The following CCM2L variants were observed in gnomAD, a reference collection of about 807,000 sequenced individuals.
The protein encoded by CCM2L is CCM2 like scaffold protein, also known as cerebral cavernous malformations 2 protein-like.
A neutral mutation model predicts 54.1 loss-of-function variants in CCM2L; 36 were observed. The observed-to-expected ratio is 0.67, with a 90% CI of 0.51 to 0.88. The LOEUF (loss-of-function observed/expected upper bound fraction) is 0.88, where lower values mean the gene tolerates loss of function less well. Among genes scored for constraint, CCM2L ranks in the 40% least tolerant of loss-of-function variants. The probability of loss-of-function intolerance (pLI) is 0.00; values close to 1 mark genes in which losing one functional copy is unlikely to be tolerated. For missense variants in CCM2L, 700 were observed against 812.1 expected, an observed-to-expected ratio of 0.86 and a Z score of 1.68; for synonymous variants, 351 against 359.3, an observed-to-expected ratio of 0.98 and a Z score of 0.26.
intron 1 of CCM2L, among the ~76,000 whole-genome samples, chr20:32,012,429 C>T (rs1451889857): frequency 2.6e-5 from 4 of 152,108 alleles, no homozygotes; most frequent in African/African-American, 4.8e-5. Context: ...GGTGGTGGTG[C>T]ATGCCTGTGG....
intron 6 of CCM2L, among the ~76,000 whole-genome samples, chr20:32,025,131 CTTTT>C (rs1351769392): frequency 1.4e-5 from 2 of 144,016 alleles, no homozygotes; most frequent in South Asian, 2.2e-4. Context: ...TTCTTTCTTT[CTTTT>C]CTTTTCCTTC....
At chr20:32,026,832 C>T (rs1333309261) in intron 7 of CCM2L, among the ~76,000 whole-genome samples, 5 of 151,042 alleles carry the variant, frequency 3.3e-5, no homozygotes, top group East Asian at 2.0e-4. Flanking sequence ...GCTGAGATTG[C>T]GCCACTGCAC....
At chr20:32,011,748 C>T (rs2064697493) in intron 1 of CCM2L, among the ~76,000 whole-genome samples, 1 of 151,710 alleles carries the variant, frequency 6.6e-6, no homozygotes, top group African/African-American at 2.4e-5. Context: ...ACAGCATGTG[C>T]AAAACCCCAC....
intron 1 of CCM2L, among the ~76,000 whole-genome samples, chr20:32,012,913 TAC>T (rs1171461923): frequency 6.6e-6 from 1 of 152,230 alleles, no homozygotes; most frequent in Non-Finnish European, 1.5e-5. Flanking sequence ...TTTGCCTTGT[TAC>T]ACAGTTAAGT....
At chr20:32,011,463 G>T (rs1046697776) in intron 1 of CCM2L, among the ~76,000 whole-genome samples, 1 of 152,014 alleles carries the variant, frequency 6.6e-6, no homozygotes, top group Non-Finnish European at 1.5e-5. Context: ...AAATTAACTG[G>T]GCATGGTGGC....
intron 2 of CCM2L, 136 bp downstream of exon 2, chr20:32,015,207 C>T (rs759392145): frequency 2.9e-5 from 24 of 841,804 alleles, no homozygotes; most frequent in South Asian, 1.9e-4. Context: ...GGGTTCATGT[C>T]AGCCTTGCCC....
intron 1 of CCM2L, among the ~76,000 whole-genome samples, chr20:32,011,922 T>G (rs1173339971): frequency 6.6e-6 from 1 of 151,398 alleles, no homozygotes; most frequent in Non-Finnish European, 1.5e-5. Context: ...TACACACACA[T>G]ACGCAAGACA....
chr20:32,031,423 G>A lies in CCM2L; in HGVS notation c.*109G>A, dbSNP rs1356547155. The A allele has an allele frequency of 1.1e-6, 1 of 939,420 alleles. No homozygotes were observed. Among genetic ancestry groups the A allele is most frequent in the Non-Finnish European group, 1.4e-6 (1 of 714,204 alleles). The allele number at this position is 939,420 out of a possible 1,614,324, so 58.2% of individuals were successfully genotyped here. A position where few individuals can be genotyped will look rare whatever the true frequency, so the allele number is the denominator to read the frequency against. On this transcript the variant is annotated 3_prime_UTR_variant, in exon 10 of 10. Coordinates refer to ENST00000452892, the MANE Select transcript of CCM2L (RefSeq NM_001365692.1). ...CCATCACACCTGGCGGGGCCGGGGGGTCTTCACTCCAGGGTCTCGCTCCCT... is the reference window on the plus strand; with the variant it reads ...CCATCACACCTGGCGGGGCCGGGGGATCTTCACTCCAGGGTCTCGCTCCCT...
intron 4 of CCM2L, 98 bp from the exon 5 acceptor site, chr20:32,018,845 C>A: frequency 8.3e-7 from 1 of 1,204,156 alleles, no homozygotes; most frequent in Non-Finnish European, 1.0e-6. Flanking sequence ...GCGGTGGAAC[C>A]CCAGAGCCGC....
At chr20:32,019,517 C>T (rs2122339275) in intron 5 of CCM2L, 108 bp downstream of exon 5, 1 of 774,518 alleles carries the variant, frequency 1.3e-6, no homozygotes, top group East Asian at 3.4e-5. Context: ...CTGCCCCTGC[C>T]TTCTCCCTGC....
At chr20:32,016,780 A>C (rs2064744880) in intron 2 of CCM2L, among the ~76,000 whole-genome samples, 1 of 152,246 alleles carries the variant, frequency 6.6e-6, no homozygotes, top group Non-Finnish European at 1.5e-5. Context: ...GAGGGCTGAA[A>C]TTTGATAAAG....
At chr20:32,011,694 G>C (rs528015159) in intron 1 of CCM2L, among the ~76,000 whole-genome samples, 2 of 152,098 alleles carry the variant, frequency 1.3e-5, no homozygotes, top group Admixed American at 6.6e-5. Context: ...GAGAACTGAC[G>C]GGTGGAAGGA....
intron 2 of CCM2L, 70 bp downstream of exon 2, chr20:32,015,141 G>A (rs977790684): frequency 2.2e-6 from 3 of 1,388,792 alleles, no homozygotes; most frequent in Non-Finnish European, 2.9e-6. Context: ...TTGACACCAA[G>A]TTCTGATCAG....
chr20:32,029,018 A>G lies in CCM2L; in HGVS notation c.1157A>G (p.Glu386Gly), dbSNP rs2064891853. The part of the protein sequence containing the change: ...SSFNGSQDTF[E>G]ACYSGTSTPS... ...AGTAATGGCTCCCAGGACACCTTTG[A>G]AGCATGTTACAGCGGCACGTCCACA... The change falls in exon 8 of 10, where the codon GAA becomes GGA. Residue 386 changes from glutamate (E) to glycine (G), a missense_variant. Coordinates refer to ENST00000452892, the MANE Select transcript of CCM2L (RefSeq NM_001365692.1). 2 of 1,614,154 alleles carry G rather than the reference A, an allele frequency of 1.2e-6. No individual in the cohort carries two copies. Among genetic ancestry groups the G allele is most frequent in the Non-Finnish European group, 1.7e-6 (2 of 1,180,006 alleles).
chr20:32,010,562 G>T, intron 1 of CCM2L, 78 bp downstream of exon 1: 1 of 1,084,316 alleles, frequency 9.2e-7, no homozygotes, highest in South Asian at 1.4e-5. Context: ...GGGCGGGGTG[G>T]GGGGTCGGTA....
In CCM2L at chr20:32,029,846, C is replaced by T. The variant is rs772023821; in HGVS notation, c.1402+8C>T. 2 of 1,590,150 alleles carry T rather than the reference C, an allele frequency of 1.3e-6. No homozygotes were observed. Among genetic ancestry groups the T allele is most frequent in the Non-Finnish European group, 1.7e-6 (2 of 1,165,978 alleles). ...GCAAGTTCCTCCTCCTTGGTGAGCCCCCGCTGTACCCCCAGAGGTCAGCTA... is the reference window on the plus strand; with the variant it reads ...GCAAGTTCCTCCTCCTTGGTGAGCCTCCGCTGTACCCCCAGAGGTCAGCTA... On this transcript the variant is annotated splice_region_variant and intron_variant, in intron 9 of 9. Coordinates refer to ENST00000452892, the MANE Select transcript of CCM2L (RefSeq NM_001365692.1).
chr20:32,020,431 T>G (rs1294452420), intron 5 of CCM2L, among the ~76,000 whole-genome samples: 1 of 152,210 alleles, frequency 6.6e-6, no homozygotes, highest in East Asian at 1.9e-4. Flanking sequence ...TCCTTGATCT[T>G]CTTCTCTCCT....
chr20:32,016,147 C>T (rs145281405), intron 2 of CCM2L, among the ~76,000 whole-genome samples: 28 of 151,780 alleles, frequency 1.8e-4, no homozygotes, highest in Non-Finnish European at 1.5e-4. Context: ...GTGTGAGCCA[C>T]CACACCTGGC....
intron 5 of CCM2L, among the ~76,000 whole-genome samples, chr20:32,020,248 G>A (rs1160167643): frequency 6.6e-6 from 1 of 152,184 alleles, no homozygotes; most frequent in Non-Finnish European, 1.5e-5. Context: ...AACAGACATA[G>A]TTCCTGTCTA....
Sources: allele counts gnomAD v4.1 joint callset (sites outside exome capture counted in the v4.1 genomes callset), GRCh38; gene constraint gnomAD v4.1.1; transcripts MANE v1.5; gene names NCBI Gene and HGNC (gene_info 2026-07-23, HGNC 2026-07-21).